Variants in SPATA7 observed in about 807,000 individuals in gnomAD.
The protein encoded by SPATA7 is spermatogenesis-associated protein 7.
SPATA7 carries 43 observed loss-of-function variants against 51.8 expected under a neutral mutation model. The observed-to-expected ratio is 0.83, with a 90% CI of 0.65 to 1.07. The LOEUF (loss-of-function observed/expected upper bound fraction) is 1.07. SPATA7 is among the 50% of genes least tolerant of loss of function. The probability of loss-of-function intolerance (pLI) is 0.00; values close to 1 mark genes in which losing one functional copy is unlikely to be tolerated. For missense variants in SPATA7, 683 were observed against 701.3 expected (o/e 0.97, Z 0.30); for synonymous variants, 230 against 252.8 (o/e 0.91, Z 0.86).
intron 4 of SPATA7, among the ~76,000 whole-genome samples, chr14:88,413,312 G>C (rs2076391322): frequency 6.7e-6 from 1 of 149,464 alleles, no homozygotes; most frequent in South Asian, 2.1e-4. Context: ...TGTAACTATT[G>C]TAAATGAGAT....
chr14:88,431,002 C>T (rs1227175995), intron 8 of SPATA7, among the ~76,000 whole-genome samples, 170 bp from the exon 9 acceptor site: 1 of 152,132 alleles, frequency 6.6e-6, no homozygotes, highest in Non-Finnish European at 1.5e-5. Flanking sequence ...TTGAGATGCT[C>T]AACTACTAAG....
chr14:88,386,103 G>A (rs1201038617), intron 1 of SPATA7: 4 of 1,321,532 alleles, frequency 3.0e-6, no homozygotes, highest in Non-Finnish European at 4.0e-6. Context: ...GGGTCGTGCA[G>A]CCTTTAAAAC....
chr14:88,387,690 T>G (rs375319241), intron 1 of SPATA7, among the ~76,000 whole-genome samples: 1 of 152,196 alleles, frequency 6.6e-6, no homozygotes, highest in Admixed American at 6.5e-5. Context: ...CGGTTAGTCT[T>G]GTTTGTAATC....
intron 5 of SPATA7, among the ~76,000 whole-genome samples, chr14:88,418,804 C>T (rs1177547484): frequency 6.6e-6 from 1 of 152,070 alleles, no homozygotes; most frequent in Non-Finnish European, 1.5e-5. Context: ...TTTTATTTAA[C>T]CCAGAAATCA....
chr14:88,391,192 T>A (rs986357181), intron 1 of SPATA7, among the ~76,000 whole-genome samples, 189 bp from the exon 2 acceptor site: 4 of 152,260 alleles, frequency 2.6e-5, no homozygotes, highest in Non-Finnish European at 5.9e-5. Flanking sequence ...ATATTTTGCA[T>A]ATTAAATTAC....
intron 4 of SPATA7, among the ~76,000 whole-genome samples, chr14:88,401,634 C>T (rs1400221252): frequency 6.6e-6 from 1 of 151,802 alleles, no homozygotes; most frequent in Non-Finnish European, 1.5e-5. Context: ...CCAGGAGTGG[C>T]CAGCCTGGGC....
intron 4 of SPATA7, among the ~76,000 whole-genome samples, chr14:88,399,907 A>G (rs1363525632): frequency 2.0e-5 from 3 of 152,208 alleles, no homozygotes; most frequent in Non-Finnish European, 2.9e-5. Context: ...TCCACTTTCA[A>G]TAGTGGATAC....
intron 4 of SPATA7, among the ~76,000 whole-genome samples, chr14:88,460,891 T>C (rs2077313137): frequency 6.6e-6 from 1 of 152,260 alleles, no homozygotes; most frequent in Admixed American, 6.5e-5. Flanking sequence ...GGTTTTGATG[T>C]GGATGTCCTT....
At chr14:88,416,607 A>G (rs1486295621) in intron 4 of SPATA7, 104 bp from the exon 5 acceptor site, 6 of 1,101,864 alleles carry the variant, frequency 5.4e-6, no homozygotes, top group African/African-American at 4.7e-5. Flanking sequence ...TTTACATATC[A>G]TAACATTTTA....
At chr14:88,398,093 A>C (rs1023128245) in intron 4 of SPATA7, among the ~76,000 whole-genome samples, 8 of 151,690 alleles carry the variant, frequency 5.3e-5, no homozygotes, top group African/African-American at 1.9e-4. Flanking sequence ...AAAAAAAAAA[A>C]GAAATGTATC....
intron 4 of SPATA7, among the ~76,000 whole-genome samples, chr14:88,412,357 C>T (rs770187981): frequency 5.0e-4 from 76 of 151,776 alleles, no homozygotes; most frequent in Non-Finnish European, 2.2e-4. Flanking sequence ...CACAATAGGC[C>T]GTCTGCAGGC....
chr14:88,431,052 C>A, intron 8 of SPATA7, 120 bp from the exon 9 acceptor site: 1 of 946,952 alleles, frequency 1.1e-6, no homozygotes, highest in Non-Finnish European at 1.7e-6. Flanking sequence ...TTCTGAAACA[C>A]TTCTGGTTCC....
chr14:88,413,910 C>T (rs1408423172), intron 4 of SPATA7, among the ~76,000 whole-genome samples: 33 of 151,930 alleles, frequency 2.2e-4, no homozygotes, highest in Admixed American at 2.2e-3. Flanking sequence ...GCCTACTTGA[C>T]TGTGGTTTAT....
chr14:88,440,105 C>G (rs1229229263), downstream of SPATA7, among the ~76,000 whole-genome samples: 2 of 152,150 alleles, frequency 1.3e-5, no homozygotes, highest in African/African-American at 4.8e-5. Flanking sequence ...CCCAGCCTCA[C>G]TCTTTCACAA....
intron 7 of SPATA7, 84 bp from the exon 8 acceptor site, chr14:88,429,264 A>G (rs1174720979): frequency 2.7e-6 from 2 of 740,094 alleles, no homozygotes; most frequent in Admixed American, 2.0e-5. Flanking sequence ...TCTCTGTTCA[A>G]TCACTTAAAA....
chr14:88,389,026 G>T (rs1426492560), intron 1 of SPATA7, among the ~76,000 whole-genome samples: 1 of 152,082 alleles, frequency 6.6e-6, no homozygotes, highest in South Asian at 2.1e-4. Context: ...TCTGTATCTA[G>T]AGTTGCTGCA....
chr14:88,414,722 C>G, intron 4 of SPATA7: 1 of 367,840 alleles, frequency 2.7e-6, no homozygotes, highest in Non-Finnish European at 5.3e-6. Flanking sequence ...TGCTGCATCC[C>G]AGAAATTTTG....
chr14:88,451,208 C>T (rs577443511), intron 3 of SPATA7, among the ~76,000 whole-genome samples: 58 of 152,252 alleles, frequency 3.8e-4, no homozygotes, highest in Non-Finnish European at 6.6e-4. Flanking sequence ...TCACTCTTGT[C>T]GCCCAGGCTG....
At chr14:88,448,485 C>T (rs575047959) in intron 3 of SPATA7, among the ~76,000 whole-genome samples, 5 of 152,198 alleles carry the variant, frequency 3.3e-5, no homozygotes, top group African/African-American at 9.6e-5. Context: ...TCTCTCAGCT[C>T]GTCAAAGTCA....
Sources: allele counts gnomAD v4.1 joint callset (sites outside exome capture counted in the v4.1 genomes callset), GRCh38; gene constraint gnomAD v4.1.1; transcripts MANE v1.5; gene names NCBI Gene and HGNC (gene_info 2026-07-23, HGNC 2026-07-21).